Variants in ZNF676 observed in about 807,000 individuals in gnomAD.
The protein encoded by ZNF676 is zinc finger protein 676.
A neutral mutation model predicts 6.0 loss-of-function variants in ZNF676; 4 were observed. The observed-to-expected ratio is 0.67, with a 90% confidence interval of 0.33 to 1.53. The LOEUF is 1.53. Ranked by LOEUF, ZNF676 falls within the 40% of genes most tolerant of loss-of-function variation. The pLI, the probability that ZNF676 is intolerant of heterozygous loss-of-function variation, is 0.06. For missense variants in ZNF676, 644 were observed against 679.7 expected, an observed-to-expected ratio of 0.95 and a Z score of 0.58; for synonymous variants, 198 against 223.1, an observed-to-expected ratio of 0.89 and a Z score of 1.00.
upstream of ZNF676, among the ~76,000 whole-genome samples, chr19:22,201,806 C>T (rs946016867): frequency 7.2e-6 from 1 of 138,448 alleles, no homozygotes; most frequent in Non-Finnish European, 1.6e-5. Context: ...AGAAATTTTA[C>T]TTATGTAAAG....
At chr19:22,185,995 G>A (rs529391269) in intron 2 of ZNF676, among the ~76,000 whole-genome samples, 3 of 152,222 alleles carry the variant, frequency 2.0e-5, no homozygotes, top group East Asian at 1.9e-4. Context: ...AACATAGCAC[G>A]ACAGGCCAAC....
At chr19:22,258,525 C>T in the ZNF676 span, among the ~76,000 whole-genome samples, 1 of 152,120 alleles carries the variant, frequency 6.6e-6, no homozygotes, top group African/African-American at 2.4e-5. Context: ...CCTCTGTAAG[C>T]AGGAACTAGG....
At chr19:22,215,864 A>G (rs545391237), upstream of ZNF676, among the ~76,000 whole-genome samples, 666 of 151,362 alleles carry the variant, frequency 4.4e-3, 9 homozygotes, top group Non-Finnish European at 2.8e-3. Context: ...ATAATGTTTA[A>G]GGCCCCGCCC....
At chr19:22,220,362 A>C (rs890908672), upstream of ZNF676, among the ~76,000 whole-genome samples, 18 of 151,842 alleles carry the variant, frequency 1.2e-4, no homozygotes, top group African/African-American at 4.4e-4. Flanking sequence ...CTTTTTCTCT[A>C]TCTTTTGGAA....
upstream of ZNF676, among the ~76,000 whole-genome samples, chr19:22,198,331 T>G (rs2023991687): frequency 6.6e-6 from 1 of 152,170 alleles, no homozygotes; most frequent in Non-Finnish European, 1.5e-5. Flanking sequence ...AGCTCTGGTA[T>G]ATAGAAAAAA....
At chr19:22,206,277 C>A (rs2024075978) in intron 1 of ZNF676, among the ~76,000 whole-genome samples, 1 of 152,148 alleles carries the variant, frequency 6.6e-6, no homozygotes, top group African/African-American at 2.4e-5. Context: ...TCCTCCCCAA[C>A]TCATTATGTA....
chr19:22,195,026 G>C (rs2023952577), intron 1 of ZNF676, among the ~76,000 whole-genome samples: 1 of 152,204 alleles, frequency 6.6e-6, no homozygotes, highest in Non-Finnish European at 1.5e-5. Context: ...CCCAGGAGTA[G>C]TTGACTCCAA....
the ZNF676 span, among the ~76,000 whole-genome samples, chr19:22,234,608 T>C: frequency 1.3e-4 from 20 of 152,240 alleles, no homozygotes; most frequent in African/African-American, 4.1e-4. Context: ...GGAGAGTAGT[T>C]ATCTGCAGAA....
At chr19:22,192,498 C>A (rs1393535005) in intron 2 of ZNF676, among the ~76,000 whole-genome samples, 1 of 151,790 alleles carries the variant, frequency 6.6e-6, no homozygotes, top group Non-Finnish European at 1.5e-5. Context: ...CCAAAGCAAT[C>A]TTGAGGAAAA....
At chr19:22,219,946 C>T (rs1046276527), upstream of ZNF676, among the ~76,000 whole-genome samples, 5 of 152,096 alleles carry the variant, frequency 3.3e-5, no homozygotes, top group African/African-American at 7.2e-5. Flanking sequence ...TGAGCCACCA[C>T]GCCCAGCCTG....
Position 22,180,420 on chromosome 19 carries a change from A to C in ZNF676, c.1297T>G (p.Ser433Ala). The change falls in exon 3 of 3, where the codon TCC becomes GCC. Residue 433 changes from serine (S) to alanine (A), a missense_variant. Transcript: ENST00000397121. ...CTCTTGTGTTCAGTAAGGCTTGAGG[A>C]CCAGCTGAAGGCTTTGCCACATTCT... ...CEECGKAFSW[S>A]SSLTEHKRIH... 1 of 1,613,272 alleles carries C rather than the reference A, an allele frequency of 6.2e-7. No homozygotes were observed. The highest frequency in any genetic ancestry group is 8.5e-7 in the Non-Finnish European group (1 of 1,179,776).
the ZNF676 span, among the ~76,000 whole-genome samples, chr19:22,233,549 T>G: frequency 6.6e-6 from 1 of 152,208 alleles, no homozygotes; most frequent in Non-Finnish European, 1.5e-5. Context: ...TGTCTGAAAT[T>G]TGTTGTTTAT....
the ZNF676 span, among the ~76,000 whole-genome samples, chr19:22,251,742 G>A: frequency 1.1e-4 from 16 of 145,616 alleles, no homozygotes; most frequent in African/African-American, 4.1e-4. Flanking sequence ...AGCCAAGATT[G>A]CACCACTGCA....
the ZNF676 span, among the ~76,000 whole-genome samples, chr19:22,237,610 G>A: frequency 7.2e-5 from 11 of 152,256 alleles, no homozygotes; most frequent in South Asian, 4.1e-4. Context: ...ATTTTGCCTG[G>A]CAACTTTCTC....
intron 1 of ZNF676, among the ~76,000 whole-genome samples, chr19:22,204,507 C>T (rs2024057037): frequency 6.6e-6 from 1 of 152,210 alleles, no homozygotes; most frequent in African/African-American, 2.4e-5. Flanking sequence ...ACTATACTAA[C>T]TGTACTGAAG....
chr19:22,255,860 C>CA, the ZNF676 span, among the ~76,000 whole-genome samples: 10,782 of 107,346 alleles, frequency 0.1, 1,170 homozygotes, highest in African/African-American at 0.29. Context: ...GACTCCATCT[C>CA]AAAAAAAAAA....
At chr19:22,184,923 G>A (rs1050744026) in intron 2 of ZNF676, among the ~76,000 whole-genome samples, 1 of 151,740 alleles carries the variant, frequency 6.6e-6, no homozygotes, top group South Asian at 2.1e-4. Context: ...TGGGGGAAGG[G>A]ACAGCTGGGA....
At chr19:22,196,492 C>A (rs540073102) in intron 1 of ZNF676, 108 bp downstream of exon 1, 1 of 1,593,636 alleles carries the variant, frequency 6.3e-7, no homozygotes, top group African/African-American at 1.4e-5. Context: ...ACTCTTTTGT[C>A]TTTGTCTGTA....
chr19:22,228,908 TC>T, the ZNF676 span, among the ~76,000 whole-genome samples: 1 of 152,118 alleles, frequency 6.6e-6, no homozygotes, highest in African/African-American at 2.4e-5. Context: ...AGAATCAATA[TC>T]ATGAAAATGG....
Sources: gnomAD v4.1 joint callset for allele counts (sites outside exome capture counted in the v4.1 genomes callset) on GRCh38, gnomAD v4.1.1 for gene constraint, MANE v1.5 for transcripts, NCBI Gene and HGNC (gene_info 2026-07-23, HGNC 2026-07-21) for gene names.